Variants in SORBS2 observed in about 807,000 individuals in gnomAD.
SORBS2 encodes the protein sorbin and SH3 domain containing 2, also known as sorbin and SH3 domain-containing protein 2.
Under a neutral mutation model 97.7 loss-of-function variants are expected in SORBS2, and 46 were observed. That is an observed-to-expected ratio of 0.47 (90% confidence interval 0.37 to 0.60). The LOEUF (loss-of-function observed/expected upper bound fraction) is 0.60, where lower values mean the gene tolerates loss of function less well. Among genes scored for constraint, SORBS2 ranks in the 20% least tolerant of loss-of-function variants. The pLI, the probability that SORBS2 is intolerant of heterozygous loss-of-function variation, is 0.00. For synonymous variants in SORBS2, 476 were observed against 473.4 expected, an observed-to-expected ratio of 1.01 and a Z score of -0.07; for missense variants, 1,316 against 1,282.3, an observed-to-expected ratio of 1.03 and a Z score of -0.40.
chr4:185,607,138 G>T lies in SORBS2; in HGVS notation c.2796+4642C>A. The T allele has an allele frequency of 9.1e-7, 1 of 1,097,024 alleles. No individual in the cohort carries two copies. The highest frequency in any genetic ancestry group is 1.1e-6 in the Non-Finnish European group (1 of 894,156). The allele number at this position is 1,097,024 out of a possible 1,614,324, so 68.0% of individuals were successfully genotyped here. On this transcript the variant is annotated intron_variant, in intron 12 of 14. Transcript: ENST00000418609. This position sits in a 1 kb window ranked among gnomAD's most constrained non-coding sequence, Gnocchi z 5.2. Reference sequence around the variant, plus strand: ...GGCGTCCTCTAGGATGGTTGGTTTGGCTTGGTCAGCTGACAAGGTTAAAGC... The same window carrying T: ...GGCGTCCTCTAGGATGGTTGGTTTGTCTTGGTCAGCTGACAAGGTTAAAGC...
intron 4 of SORBS2, among the ~76,000 whole-genome samples, chr4:185,676,413 A>G (rs1355056117): frequency 6.6e-6 from 1 of 152,244 alleles, no homozygotes; most frequent in Non-Finnish European, 1.5e-5. Context: ...AGAGAATTCT[A>G]CACACATGGA....
chr4:185,618,647 A>C lies in SORBS2; in HGVS notation c.2305-16T>G. 1 of 1,519,268 alleles carries C rather than the reference A, an allele frequency of 6.6e-7. No individual in the cohort carries two copies. The highest frequency in any genetic ancestry group is 1.7e-5 in the Admixed American group (1 of 57,842). The allele number at this position is 1,519,268 out of a possible 1,614,324, so 94.1% of individuals were successfully genotyped here. A position where few individuals can be genotyped will look rare whatever the true frequency, so the allele number is the denominator to read the frequency against. On this transcript the variant is annotated splice_polypyrimidine_tract_variant and intron_variant, in intron 8 of 14. Coordinates refer to ENST00000418609, the Ensembl canonical transcript of SORBS2. The stretch of plus-strand genomic sequence containing the variant: ...CAGGCAATTTCTGAAAAGGAAGATA[A>C]ACAATTAGCACTAATTTAAAATTTG...
At chr4:185,703,558 T>C (rs1049359902) in intron 2 of SORBS2, among the ~76,000 whole-genome samples, 4 of 152,240 alleles carry the variant, frequency 2.6e-5, no homozygotes, top group African/African-American at 9.6e-5. Flanking sequence ...ACTGGCTGAA[T>C]CAGTCATGCC....
chr4:185,797,565 G>A (rs998020198), intron 1 of SORBS2, among the ~76,000 whole-genome samples: 3 of 152,098 alleles, frequency 2.0e-5, no homozygotes, highest in Non-Finnish European at 4.4e-5. Flanking sequence ...TGCCTCTGAC[G>A]TGCCAGGCGC....
intron 2 of SORBS2, among the ~76,000 whole-genome samples, chr4:185,701,303 ATGCTCAGGGCCATGGATCACCT>A (rs1228059406): frequency 2.6e-5 from 4 of 152,174 alleles, no homozygotes; most frequent in African/African-American, 9.7e-5. Context: ...GTCTGCCATG[ATGCTCAGGGCCATGGATCACCT>A]TACAGATCCA....
At chr4:185,827,222 CCATCAT>C (rs1251463109) in intron 1 of SORBS2, among the ~76,000 whole-genome samples, 1 of 53,826 alleles carries the variant, frequency 1.9e-5, no homozygotes. Flanking sequence ...ACCATCATCA[CCATCAT>C]CATCATCACC....
intron 2 of SORBS2, among the ~76,000 whole-genome samples, chr4:185,723,271 G>A (rs987064990): frequency 2.0e-5 from 3 of 152,108 alleles, no homozygotes; most frequent in Admixed American, 6.6e-5. Context: ...TGGCAACTTC[G>A]CTGAAAACAC....
intron 1 of SORBS2, among the ~76,000 whole-genome samples, chr4:185,926,043 C>T (rs955694304): frequency 3.3e-5 from 5 of 152,208 alleles, no homozygotes; most frequent in African/African-American, 1.2e-4. Flanking sequence ...GCCACACTAC[C>T]CTTCCTGGAG....
At chr4:185,936,374 C>G (rs188124234) in intron 1 of SORBS2, among the ~76,000 whole-genome samples, 3 of 152,266 alleles carry the variant, frequency 2.0e-5, no homozygotes, top group Admixed American at 6.5e-5. Flanking sequence ...AGTTCCAAAA[C>G]TACAAAGGCT....
chr4:185,670,295 T>G (rs1351032207), intron 4 of SORBS2, among the ~76,000 whole-genome samples: 1 of 152,146 alleles, frequency 6.6e-6, no homozygotes, highest in Non-Finnish European at 1.5e-5. Flanking sequence ...GTTAATAACG[T>G]GCGTTTCAAC....
chr4:185,910,318 C>G (rs2099254221), intron 1 of SORBS2, among the ~76,000 whole-genome samples: 1 of 152,212 alleles, frequency 6.6e-6, no homozygotes, highest in Non-Finnish European at 1.5e-5. Context: ...GTGTTTCTAT[C>G]TCTTACTGAA....
intron 1 of SORBS2, among the ~76,000 whole-genome samples, chr4:185,823,356 G>T (rs1181401656): frequency 6.6e-6 from 1 of 152,086 alleles, no homozygotes. Flanking sequence ...ACAACAATAA[G>T]CCCATAAAAA....
intron 1 of SORBS2, among the ~76,000 whole-genome samples, chr4:185,784,864 T>A (rs2099048700): frequency 6.6e-6 from 1 of 152,198 alleles, no homozygotes; most frequent in South Asian, 2.1e-4. Flanking sequence ...AAATCTGCCA[T>A]GAAAAATGAG....
chr4:185,596,047 C>A (rs1490281211), intron 12 of SORBS2, among the ~76,000 whole-genome samples: 1 of 152,100 alleles, frequency 6.6e-6, no homozygotes, highest in East Asian at 1.9e-4. Context: ...ATTTGCAGTG[C>A]ATAATAAAGT....
intron 1 of SORBS2, among the ~76,000 whole-genome samples, chr4:185,823,825 C>T (rs1157945178): frequency 6.6e-6 from 1 of 152,138 alleles, no homozygotes; most frequent in East Asian, 1.9e-4. Flanking sequence ...TGAAATAGAA[C>T]ATTTTAAATC....
At chr4:185,928,906 T>C (rs2099265087) in intron 1 of SORBS2, among the ~76,000 whole-genome samples, 1 of 152,158 alleles carries the variant, frequency 6.6e-6, no homozygotes, top group African/African-American at 2.4e-5. Flanking sequence ...AAGTCTAAGA[T>C]GCTAGGAAGT....
At chr4:185,763,220 G>T (rs1000723498) in intron 2 of SORBS2, among the ~76,000 whole-genome samples, 1 of 152,056 alleles carries the variant, frequency 6.6e-6, no homozygotes, top group Non-Finnish European at 1.5e-5. Flanking sequence ...CAAAAAGCAG[G>T]TACAAGAAGA....
intron 1 of SORBS2, among the ~76,000 whole-genome samples, chr4:185,800,264 A>G (rs1033381837): frequency 6.6e-6 from 1 of 152,174 alleles, no homozygotes; most frequent in South Asian, 2.1e-4. Context: ...ATTCCCCTCA[A>G]TGAAAAAGAC....
intron 4 of SORBS2, chr4:185,677,556 A>G: frequency 6.5e-7 from 1 of 1,547,334 alleles, no homozygotes. Context: ...GTTAGTTACT[A>G]ACTGGTCTAA....
Sources: gnomAD v4.1 joint callset for allele counts (sites outside exome capture counted in the v4.1 genomes callset) on GRCh38, gnomAD v4.1.1 for gene constraint, Gnocchi (gnomAD v3.1) non-coding constraint, MANE v1.5 for transcripts, NCBI Gene and HGNC (gene_info 2026-07-23, HGNC 2026-07-21) for gene names.